Variants in SACM1L observed in about 807,000 individuals in gnomAD.
SACM1L encodes the protein phosphatidylinositol-3-phosphatase SAC1.
Under a neutral mutation model 89.5 loss-of-function variants are expected in SACM1L, and 32 were observed. The ratio of observed to expected loss-of-function variants is 0.36; its 90% confidence interval spans 0.27 to 0.48. The LOEUF is 0.48. Ranked by LOEUF, SACM1L falls within the 20% of genes least tolerant of loss-of-function variation. SACM1L has a pLI of 0.99. For missense variants in SACM1L, 543 were observed against 708.5 expected (o/e 0.77, Z 2.65); for synonymous variants, 213 against 232.8 (o/e 0.92, Z 0.77).
At chr3:45,734,732 A>G (rs1193386539) in intron 13 of SACM1L, 1 of 152,300 alleles carries the variant, frequency 6.6e-6, no homozygotes, top group African/African-American at 2.4e-5. Context: ...GGCACGCACC[A>G]CCACGCCCAG....
At position 45,709,664 on chromosome 3, in the gene SACM1L, A is replaced by G. The variant is rs771021495; in HGVS notation, c.483+17A>G. ...TTGGAAAGGGTAAGCTTGATCTTCA[A>G]TTATTTTTATTTTTAGGTTTTTAAA... On this transcript the variant is annotated intron_variant, in intron 5 of 19. Transcript: ENST00000389061. The G allele has an allele frequency of 1.2e-5, 19 of 1,583,960 alleles. No individual in the cohort carries two copies. The highest frequency in any genetic ancestry group is 3.9e-5 in the Admixed American group (2 of 51,110).
rs571086432 is a variant in SACM1L at position 45,720,849 on chromosome 3, T to C, written c.680-1151T>C. 2.6e-5 allele frequency among the ~76,000 whole-genome samples: 4 copies of C among 152,332 alleles called. No individual in the cohort carries two copies. The East Asian group carries it at 7.7e-4, about 29-fold the overall frequency. Reference sequence around the variant, plus strand: ...AACTAAAACAGTGATACTTCACATATACCTGCAAATGTTATATGTAAGAAA... The same window carrying C: ...AACTAAAACAGTGATACTTCACATACACCTGCAAATGTTATATGTAAGAAA... On this transcript the variant is annotated intron_variant, in intron 8 of 19. Coordinates refer to ENST00000389061, the MANE Select transcript of SACM1L (RefSeq NM_014016.5).
In SACM1L at chr3:45,709,720, T is replaced by A; in HGVS notation, c.483+73T>A. Reference sequence around the variant, plus strand: ...CATGTCTCTGTTTCATGCATAAAAATTTATATTGATTTTTCTCAGTCCTGG... The same window carrying A: ...CATGTCTCTGTTTCATGCATAAAAAATTATATTGATTTTTCTCAGTCCTGG... On this transcript the variant is annotated intron_variant, in intron 5 of 19. Transcript: ENST00000389061. The A allele has an allele frequency of 2.2e-6, 3 of 1,333,670 alleles. No homozygotes were observed. The South Asian group carries it at 4.3e-5, about 19-fold the overall frequency. The allele number at this position is 1,333,670 out of a possible 1,614,324, so 82.6% of individuals were successfully genotyped here.
chr3:45,708,954 T>C (rs1367930318), intron 4 of SACM1L, among the ~76,000 whole-genome samples: 1 of 152,246 alleles, frequency 6.6e-6, no homozygotes, highest in African/African-American at 2.4e-5. Context: ...TACTGGACTT[T>C]TTAATCTTTG....
intron 1 of SACM1L, among the ~76,000 whole-genome samples, chr3:45,698,822 A>G (rs1280348502): frequency 2.0e-5 from 3 of 151,524 alleles, no homozygotes; most frequent in African/African-American, 7.3e-5. Context: ...CCTAGAGTGC[A>G]GTGGCGTGAT....
intron 11 of SACM1L, 96 bp from the exon 12 acceptor site, chr3:45,731,204 AT>A: frequency 1.5e-6 from 1 of 654,754 alleles, no homozygotes; most frequent in Non-Finnish European, 2.5e-6. Context: ...CTGTGGGAGA[AT>A]GATGAGAGCT....
At chr3:45,708,028 A>G (rs1232936019) in intron 4 of SACM1L, among the ~76,000 whole-genome samples, 1 of 151,842 alleles carries the variant, frequency 6.6e-6, no homozygotes, top group African/African-American at 2.4e-5. Flanking sequence ...TACATCTACA[A>G]CGTAACTATA....
chr3:45,731,411 T>C, intron 12 of SACM1L, 31 bp downstream of exon 12: 2 of 1,451,318 alleles, frequency 1.4e-6, no homozygotes, highest in Non-Finnish European at 1.9e-6. Context: ...TGCAGGTCTT[T>C]TCAGATCAGA....
intron 15 of SACM1L, 24 bp downstream of exon 15, chr3:45,737,676 C>G (rs764616780): frequency 6.3e-7 from 1 of 1,575,274 alleles, no homozygotes; most frequent in Non-Finnish European, 8.6e-7. Flanking sequence ...TTAATATAGA[C>G]AAAGTTGGTC....
Position 45,709,573 on chromosome 3 carries a change from T to C in SACM1L, c.409T>C (p.Tyr137His). The stretch of plus-strand genomic sequence containing the variant: ...GGATGGATTTTACTTTTCAACAACA[T>C]ATGATTTGACCCATACTTTGCAGCG... ...NVDGFYFSTTYDLTHTLQRLS... is the reference protein window; with the variant it reads ...NVDGFYFSTTHDLTHTLQRLS... The change falls in exon 5 of 20, where the codon TAT becomes CAT. Residue 137 changes from tyrosine to histidine, a missense_variant. Physicochemically the swap from Tyr to His is moderately conservative, Grantham distance 83 (BLOSUM62 2). Coordinates refer to ENST00000389061, the MANE Select transcript of SACM1L (RefSeq NM_014016.5). 1 of 1,613,926 alleles carries C rather than the reference T, an allele frequency of 6.2e-7. No homozygotes were observed. Among genetic ancestry groups the C allele is most frequent in the Non-Finnish European group, 8.5e-7 (1 of 1,179,860 alleles).
chr3:45,712,267 CAG>C (rs1449664345), intron 5 of SACM1L, among the ~76,000 whole-genome samples: 1 of 152,080 alleles, frequency 6.6e-6, no homozygotes, highest in African/African-American at 2.4e-5. Context: ...TTTTTTGAGA[CAG>C]AGTCTTGCTC....
At chr3:45,714,829 T>C (rs1007082190) in intron 7 of SACM1L, among the ~76,000 whole-genome samples, 3 of 152,188 alleles carry the variant, frequency 2.0e-5, no homozygotes, top group African/African-American at 4.8e-5. Context: ...GTGAGCTGGC[T>C]CTTAAAGGAT....
At chr3:45,691,127 T>G (rs1255771098) in intron 1 of SACM1L, among the ~76,000 whole-genome samples, 1 of 152,218 alleles carries the variant, frequency 6.6e-6, no homozygotes, top group African/African-American at 2.4e-5. Flanking sequence ...AGAATGATGT[T>G]TTTGTATTGA....
At chr3:45,729,294 A>G (rs898326996) in intron 11 of SACM1L, among the ~76,000 whole-genome samples, 6 of 151,938 alleles carry the variant, frequency 3.9e-5, no homozygotes, top group Non-Finnish European at 7.4e-5. Flanking sequence ...CATGTTGGCC[A>G]GGCTAGTCTC....
intron 6 of SACM1L, 154 bp from the exon 7 acceptor site, chr3:45,713,892 A>C (rs1205381352): frequency 8.2e-6 from 3 of 367,162 alleles, no homozygotes; most frequent in African/African-American, 2.1e-5. Flanking sequence ...ATGCATACTT[A>C]ATGTTACATT....
intron 13 of SACM1L, chr3:45,734,922 A>T: frequency 8.9e-6 from 2 of 224,938 alleles, no homozygotes; most frequent in African/African-American, 4.5e-5. Flanking sequence ...GGAAACCCTC[A>T]TCTGGCTTTG....
intron 3 of SACM1L, among the ~76,000 whole-genome samples, chr3:45,706,330 T>C (rs770700985): frequency 1.3e-4 from 20 of 152,200 alleles, no homozygotes; most frequent in Non-Finnish European, 2.4e-4. Flanking sequence ...CCAGCACATT[T>C]CTCTACCATT....
chr3:45,706,691 A>G, intron 3 of SACM1L, 89 bp from the exon 4 acceptor site: 1 of 1,118,086 alleles, frequency 8.9e-7, no homozygotes, highest in South Asian at 1.6e-5. Flanking sequence ...TCATTCTACT[A>G]GCCTTTAAAG....
chr3:45,743,095 AT>A (rs545523198), intron 19 of SACM1L: 1 of 151,540 alleles, frequency 6.6e-6, no homozygotes, highest in Non-Finnish European at 1.5e-5. Context: ...TATTCTATTA[AT>A]TTTTTGTGCA....
Sources: gnomAD v4.1 joint callset for allele counts (sites outside exome capture counted in the v4.1 genomes callset) on GRCh38, gnomAD v4.1.1 for gene constraint, MANE v1.5 for transcripts, NCBI Gene and HGNC (gene_info 2026-07-23, HGNC 2026-07-21) for gene names.